Variants in SEMA5A observed in about 807,000 individuals in gnomAD.
SEMA5A encodes semaphorin-5A.
SEMA5A carries 55 observed loss-of-function variants against 135.5 expected under a neutral mutation model. The ratio of observed to expected loss-of-function variants is 0.41; its 90% CI spans 0.33 to 0.51. SEMA5A has a LOEUF of 0.51. Ranked by LOEUF, SEMA5A falls within the 20% of genes least tolerant of loss-of-function variation. SEMA5A has a pLI of 0.37. For missense variants in SEMA5A, 1,290 were observed against 1,419.9 expected (o/e 0.91, Z 1.47); for synonymous variants, 580 against 546.5 (o/e 1.06, Z -0.85).
At position 9,204,252 on chromosome 5, in the gene SEMA5A, G is replaced by C. The variant is rs1449952703; in HGVS notation, c.647-2012C>G. Among the ~76,000 whole-genome samples, 2 of 152,178 alleles carry C rather than the reference G, an allele frequency of 1.3e-5. No homozygotes were observed. The highest frequency in any genetic ancestry group is 2.1e-4 in the South Asian group (1 of 4,828). On this transcript the variant is annotated intron_variant, in intron 8 of 22. Transcript: ENST00000382496. This position sits in a 1 kb window ranked among gnomAD's most constrained non-coding sequence, Gnocchi z 6.4. ...CTTCCTAAAATGTGGAAAACAAAGA[G>C]AGAAGGCGTAAGGGTCCAAGTGTGT...
In SEMA5A at chr5:9,113,481, A is replaced by C. The variant is rs117638847; in HGVS notation, c.1926-5194T>G. Among the ~76,000 whole-genome samples, 57 of 152,310 alleles carry C rather than the reference A, an allele frequency of 3.7e-4. 1 individual carries two copies. The East Asian group carries it at 8.1e-3, about 22-fold the overall frequency. On this transcript the variant is annotated intron_variant, in intron 15 of 22. Transcript: ENST00000382496. ...CCCACCACACACACAAAAAAGAAAA[A>C]TTTGTGACGTGATGCATGTGCCAAT...
intron 3 of SEMA5A, among the ~76,000 whole-genome samples, chr5:9,352,751 G>A (rs1052176200): frequency 7.9e-5 from 12 of 152,240 alleles, no homozygotes; most frequent in African/African-American, 2.9e-4. Flanking sequence ...TATGGCCTAT[G>A]GGCCCAATCT....
chr5:9,131,845 T>G (rs1560946482), intron 13 of SEMA5A, among the ~76,000 whole-genome samples: 1 of 152,014 alleles, frequency 6.6e-6, no homozygotes, highest in Non-Finnish European at 1.5e-5. Context: ...TGATGCATTT[T>G]GGAATAGGGA....
At chr5:9,515,837 T>C (rs868052304) in intron 1 of SEMA5A, among the ~76,000 whole-genome samples, 11 of 152,354 alleles carry the variant, frequency 7.2e-5, no homozygotes, top group African/African-American at 2.6e-4. Context: ...AATAGTATGC[T>C]AAGAACCAAA....
chr5:9,487,900 T>A (rs1189469088), intron 1 of SEMA5A, among the ~76,000 whole-genome samples: 8 of 152,198 alleles, frequency 5.3e-5, no homozygotes, highest in Non-Finnish European at 1.2e-4. Context: ...ATACCCCTAC[T>A]GAACTCTTAT....
At chr5:9,481,401 TCC>T (rs1759871890) in intron 1 of SEMA5A, among the ~76,000 whole-genome samples, 1 of 152,140 alleles carries the variant, frequency 6.6e-6, no homozygotes, top group Admixed American at 6.5e-5. Flanking sequence ...GTGGAAGGTG[TCC>T]CTATCACTCT....
At chr5:9,246,220 T>C (rs112823555) in intron 5 of SEMA5A, among the ~76,000 whole-genome samples, 1 of 150,316 alleles carries the variant, frequency 6.7e-6, no homozygotes, top group African/African-American at 2.5e-5. Flanking sequence ...CAAGACTAAA[T>C]GTAGCGAAAA....
At chr5:9,289,398 A>T (rs6881882) in intron 5 of SEMA5A, among the ~76,000 whole-genome samples, 6 of 152,316 alleles carry the variant, frequency 3.9e-5, no homozygotes, top group Admixed American at 1.3e-4. Context: ...GAAGTGGACA[A>T]CTCAAACAGA....
intron 5 of SEMA5A, among the ~76,000 whole-genome samples, chr5:9,245,229 A>C (rs1394327285): frequency 6.6e-6 from 1 of 152,266 alleles, no homozygotes; most frequent in Non-Finnish European, 1.5e-5. Context: ...TGTCTGGAGT[A>C]TTCACATGTC....
chr5:9,077,010 T>C (rs771141251), intron 16 of SEMA5A, among the ~76,000 whole-genome samples: 8 of 152,076 alleles, frequency 5.3e-5, no homozygotes, highest in Non-Finnish European at 8.8e-5. Context: ...CCTTTGAACA[T>C]GAGGAAGTTA....
chr5:9,307,800 C>T (rs1751942209), intron 5 of SEMA5A, among the ~76,000 whole-genome samples: 1 of 152,124 alleles, frequency 6.6e-6, no homozygotes, highest in Non-Finnish European at 1.5e-5. Context: ...AAATGAACTC[C>T]TCCATTTATC....
intron 16 of SEMA5A, among the ~76,000 whole-genome samples, chr5:9,076,994 C>T (rs1341243503): frequency 6.6e-6 from 1 of 152,002 alleles, no homozygotes; most frequent in Non-Finnish European, 1.5e-5. Flanking sequence ...TTCATGCTGG[C>T]ACAGGCCTTT....
At chr5:9,082,138 T>A (rs753702257) in intron 16 of SEMA5A, among the ~76,000 whole-genome samples, 1 of 152,210 alleles carries the variant, frequency 6.6e-6, no homozygotes, top group African/African-American at 2.4e-5. Flanking sequence ...AGAATTTCAT[T>A]GTTGTATGAC....
intron 11 of SEMA5A, among the ~76,000 whole-genome samples, chr5:9,165,888 T>G (rs1743579456): frequency 6.6e-6 from 1 of 152,190 alleles, no homozygotes; most frequent in African/African-American, 2.4e-5. Context: ...TTCTCTTAAC[T>G]TGTAAACGAG....
chr5:9,396,114 A>T (rs773314794), intron 2 of SEMA5A, among the ~76,000 whole-genome samples: 6 of 152,158 alleles, frequency 3.9e-5, no homozygotes, highest in Non-Finnish European at 7.4e-5. Context: ...AGAAGTCTGG[A>T]AAAAAGTTAG....
At chr5:9,509,573 C>T (rs1736094990) in intron 1 of SEMA5A, among the ~76,000 whole-genome samples, 1 of 152,120 alleles carries the variant, frequency 6.6e-6, no homozygotes, top group Non-Finnish European at 1.5e-5. Context: ...CCATGCCCGG[C>T]CCCAACATAA....
rs1739634962 is a variant in SEMA5A, at chr5:9,101,590, C to A, written c.2073+6550G>T. 2.0e-5 allele frequency among the ~76,000 whole-genome samples: 3 copies of A among 152,230 alleles called. No homozygotes were observed. The South Asian group carries it at 6.2e-4, about 32-fold the overall frequency. Reference sequence around the variant, plus strand: ...TCAACTATTTTATGTATTTCTTAAACTTTATTTTAGAAAATTTCCTTTCTA... The same window carrying A: ...TCAACTATTTTATGTATTTCTTAAAATTTATTTTAGAAAATTTCCTTTCTA... On this transcript the variant is annotated intron_variant, in intron 16 of 22. Coordinates refer to ENST00000382496, the MANE Select transcript of SEMA5A (RefSeq NM_003966.3).
chr5:9,074,509 G>T (rs781254585), intron 16 of SEMA5A, among the ~76,000 whole-genome samples: 1 of 152,040 alleles, frequency 6.6e-6, no homozygotes, highest in Admixed American at 6.6e-5. Context: ...ATCAAAATAA[G>T]AAGTTTCTGC....
At chr5:9,384,651 GATAGATAGATATAGATAGATAGAT>G (rs1561208171) in intron 2 of SEMA5A, among the ~76,000 whole-genome samples, 10 of 119,084 alleles carry the variant, frequency 8.4e-5, no homozygotes, top group Non-Finnish European at 1.5e-4. Context: ...TAGATAGATA[GATAGATAGATATAGATAGATAGAT>G]ATAGATAGAT....
Sources: allele counts gnomAD v4.1 joint callset (sites outside exome capture counted in the v4.1 genomes callset), GRCh38; gene constraint gnomAD v4.1.1; non-coding constraint Gnocchi (gnomAD v3.1); transcripts MANE v1.5; gene names NCBI Gene and HGNC (gene_info 2026-07-23, HGNC 2026-07-21).